RUNX1: variants seen among roughly 807,000 people sequenced by gnomAD.
RUNX1 encodes the protein RUNX family transcription factor 1.
In RUNX1, 19 loss-of-function variants were observed where a neutral mutation model predicts 42.8. The ratio of observed to expected loss-of-function variants is 0.44; its 90% CI spans 0.31 to 0.65. The LOEUF (loss-of-function observed/expected upper bound fraction) is 0.65. Among genes scored for constraint, RUNX1 ranks in the 30% least tolerant of loss-of-function variants. The pLI is 0.07. For missense variants in RUNX1, 528 were observed against 672.0 expected (o/e 0.79, Z 2.37); for synonymous variants, 271 against 289.4 (o/e 0.94, Z 0.64).
rs563234502 is a variant in RUNX1 at position 34,992,243 on chromosome 21, G to A, written c.58+56599C>T. Among the ~76,000 whole-genome samples, 9 of 152,292 alleles carry A rather than the reference G, an allele frequency of 5.9e-5. No individual in the cohort carries two copies. In the South Asian group the frequency reaches 8.3e-4, roughly 14 times the overall value. On this transcript the variant is annotated intron_variant, in intron 2 of 8. Coordinates refer to ENST00000675419, the MANE Select transcript of RUNX1 (RefSeq NM_001754.5). ...GCCTGCTTCCCTGGAAGTTCTGCCCGGTGGTGGATGTAGTGGGGGACTCCC... is the reference window on the plus strand; with the variant it reads ...GCCTGCTTCCCTGGAAGTTCTGCCCAGTGGTGGATGTAGTGGGGGACTCCC...
At chr21:35,036,492 G>C (rs1054988384) in intron 2 of RUNX1, among the ~76,000 whole-genome samples, 1 of 152,152 alleles carries the variant, frequency 6.6e-6, no homozygotes, top group Non-Finnish European at 1.5e-5. Flanking sequence ...AGAAAGGGAA[G>C]GAACTTTCTG....
chr21:34,854,475 C>G (rs1019252082), intron 6 of RUNX1, among the ~76,000 whole-genome samples: 7 of 151,954 alleles, frequency 4.6e-5, no homozygotes, highest in Admixed American at 3.9e-4. Flanking sequence ...ATCCCAACTA[C>G]TCAGGAGGCT....
chr21:34,922,789 C>A (rs1689461049), intron 2 of RUNX1, among the ~76,000 whole-genome samples: 1 of 152,148 alleles, frequency 6.6e-6, no homozygotes, highest in African/African-American at 2.4e-5. Flanking sequence ...ATTTTCTGCT[C>A]AATTTGGGTT....
intron 2 of RUNX1, among the ~76,000 whole-genome samples, chr21:34,934,195 T>C (rs2058468576): frequency 6.6e-6 from 1 of 152,176 alleles, no homozygotes; most frequent in African/African-American, 2.4e-5. Flanking sequence ...GCTTTCACTT[T>C]TACTTCCTTG....
intron 2 of RUNX1, among the ~76,000 whole-genome samples, chr21:34,930,257 C>T (rs1343752537): frequency 1.5e-4 from 13 of 85,020 alleles, no homozygotes; most frequent in African/African-American, 1.4e-4. Flanking sequence ...GTATATTATA[C>T]GTGTGTGTGT....
At chr21:34,875,688 C>T (rs530457611) in intron 5 of RUNX1, among the ~76,000 whole-genome samples, 1 of 152,260 alleles carries the variant, frequency 6.6e-6, no homozygotes, top group African/African-American at 2.4e-5. Context: ...GGACTGGGAT[C>T]CTACGATAAT....
At chr21:34,811,273 C>A (rs989800531) in intron 7 of RUNX1, among the ~76,000 whole-genome samples, 1 of 152,212 alleles carries the variant, frequency 6.6e-6, no homozygotes, top group Non-Finnish European at 1.5e-5. Flanking sequence ...CTTCAATAAA[C>A]GCGAGTGAAA....
At chr21:34,963,658 C>A (rs991344015) in intron 2 of RUNX1, among the ~76,000 whole-genome samples, 33 of 152,316 alleles carry the variant, frequency 2.2e-4, no homozygotes, top group Non-Finnish European at 8.8e-5. Context: ...GTTGTTCAAG[C>A]TATAGTCCAC....
chr21:34,979,474 G>C (rs2058830598), intron 2 of RUNX1, among the ~76,000 whole-genome samples: 1 of 152,098 alleles, frequency 6.6e-6, no homozygotes, highest in Non-Finnish European at 1.5e-5. Context: ...GAACTACATA[G>C]GCACATATGT....
At chr21:34,857,030 G>C (rs2057503665) in intron 6 of RUNX1, among the ~76,000 whole-genome samples, 1 of 152,182 alleles carries the variant, frequency 6.6e-6, no homozygotes, top group African/African-American at 2.4e-5. Flanking sequence ...AGAAAAGTCA[G>C]CATTACCCAA....
intron 2 of RUNX1, among the ~76,000 whole-genome samples, chr21:35,004,046 G>C (rs1043782571): frequency 2.6e-5 from 4 of 152,178 alleles, no homozygotes; most frequent in Non-Finnish European, 5.9e-5. Context: ...TTTCTTTAAA[G>C]TGGTAAACCT....
chr21:34,809,868 G>C (rs1158447544), intron 7 of RUNX1, among the ~76,000 whole-genome samples: 1 of 152,226 alleles, frequency 6.6e-6, no homozygotes, highest in Non-Finnish European at 1.5e-5. Flanking sequence ...GACTGCAGAG[G>C]CTACAAAATG....
At chr21:34,881,709 A>G (rs1489822050) in intron 4 of RUNX1, among the ~76,000 whole-genome samples, 1 of 152,258 alleles carries the variant, frequency 6.6e-6, no homozygotes, top group Admixed American at 6.5e-5. Flanking sequence ...ACTGGTAGAT[A>G]AATGTTTTTA....
intron 2 of RUNX1, among the ~76,000 whole-genome samples, chr21:34,971,123 T>C (rs1338845684): frequency 1.3e-5 from 2 of 152,224 alleles, no homozygotes; most frequent in Non-Finnish European, 2.9e-5. Flanking sequence ...CCTGGGATTA[T>C]GTATACTATG....
At chr21:34,997,541 T>C (rs1448017757) in intron 2 of RUNX1, among the ~76,000 whole-genome samples, 2 of 152,160 alleles carry the variant, frequency 1.3e-5, no homozygotes, top group Non-Finnish European at 2.9e-5. Flanking sequence ...TAAAATTAGA[T>C]GGTAAAGTAG....
rs1569037346 is a variant in RUNX1 at position 34,834,564 on chromosome 21, C to T, written c.651G>A (p.Gly217=). Reference sequence around the variant, plus strand: ...TGAGCCGCTCGGAAAAGGACAAGCTCCCGGGCTTGGTCTGATCATCTAGTT... The same window carrying T: ...TGAGCCGCTCGGAAAAGGACAAGCTTCCGGGCTTGGTCTGATCATCTAGTT... ...RQKLDDQTKP[G]SLSFSERLSE... The change falls in exon 7 of 9, where the codon GGG becomes GGA. Residue 217 remains glycine, a synonymous_variant. Transcript: ENST00000675419. 1.9e-6 allele frequency: 3 copies of T among 1,612,418 alleles called. No homozygotes were observed. Among genetic ancestry groups the T allele is most frequent in the Non-Finnish European group, 1.7e-6 (2 of 1,179,942 alleles).
intron 2 of RUNX1, among the ~76,000 whole-genome samples, chr21:34,961,929 G>A (rs2058684756): frequency 6.6e-6 from 1 of 151,912 alleles, no homozygotes; most frequent in Non-Finnish European, 1.5e-5. Flanking sequence ...GTCTCACTCT[G>A]TCACCGAGGC....
At chr21:34,984,570 A>G (rs2058871217) in intron 2 of RUNX1, among the ~76,000 whole-genome samples, 1 of 152,164 alleles carries the variant, frequency 6.6e-6, no homozygotes, top group South Asian at 2.1e-4. Context: ...GAAGAGAAAG[A>G]AGTTGGTGGC....
At chr21:34,876,780 T>C (rs2057820274) in intron 5 of RUNX1, among the ~76,000 whole-genome samples, 1 of 152,274 alleles carries the variant, frequency 6.6e-6, no homozygotes, top group African/African-American at 2.4e-5. Context: ...TATTTCCTGA[T>C]TGATCAGTTA....
Sources: allele counts gnomAD v4.1 joint callset (sites outside exome capture counted in the v4.1 genomes callset), GRCh38; gene constraint gnomAD v4.1.1; transcripts MANE v1.5; gene names NCBI Gene and HGNC (gene_info 2026-07-23, HGNC 2026-07-21).